The following PCDHGA12 variants were observed in gnomAD, a reference collection of about 807,000 sequenced individuals.
PCDHGA12 encodes the protein protocadherin gamma subfamily A, 12.
A neutral mutation model predicts 61.1 loss-of-function variants in PCDHGA12; 43 were observed. The observed-to-expected ratio is 0.70, with a 90% CI of 0.55 to 0.91. The LOEUF (loss-of-function observed/expected upper bound fraction) is 0.91. PCDHGA12 is among the 40% of genes least tolerant of loss of function. PCDHGA12 has a pLI of 0.00. For missense variants in PCDHGA12, 1,236 were observed against 1,227.7 expected (o/e 1.01, Z -0.10); for synonymous variants, 520 against 542.9 (o/e 0.96, Z 0.59).
In PCDHGA12 at chr5:141,489,597, A is replaced by G; in HGVS notation, c.2425-5210A>G. 6.2e-7 allele frequency: 1 copy of G among 1,614,100 alleles called. No individual in the cohort carries two copies. The highest frequency in any genetic ancestry group is 1.3e-5 in the African/African-American group (1 of 75,040). ...AACACCCCCTGGAGCTAATCCGTGTAGAGGTAGAGATCCTGGATCTCAATG... is the reference window on the plus strand; with the variant it reads ...AACACCCCCTGGAGCTAATCCGTGTGGAGGTAGAGATCCTGGATCTCAATG... On this transcript the variant is annotated intron_variant, in intron 1 of 3. Transcript: ENST00000252085. The surrounding 1 kb of genome is among the most constrained non-coding windows in gnomAD (Gnocchi z 4.5).
intron 1 of PCDHGA12, among the ~76,000 whole-genome samples, chr5:141,434,766 A>T (rs1383531828): frequency 1.3e-5 from 2 of 151,012 alleles, no homozygotes; most frequent in Non-Finnish European, 3.0e-5. Context: ...CCCACTTCAC[A>T]CTTCTAAAAA....
At chr5:141,446,221 T>C (rs2098493855) in intron 1 of PCDHGA12, among the ~76,000 whole-genome samples, 1 of 152,164 alleles carries the variant, frequency 6.6e-6, no homozygotes, top group African/African-American at 2.4e-5. Flanking sequence ...AATATTGTTG[T>C]GTTGCCTGGC....
At chr5:141,454,837 G>A (rs1269424734) in intron 1 of PCDHGA12, among the ~76,000 whole-genome samples, 4 of 90,354 alleles carry the variant, frequency 4.4e-5, no homozygotes, top group East Asian at 6.5e-4. Flanking sequence ...AGACAGAGTC[G>A]CGCTCTGTCA....
Position 141,485,718 on chromosome 5 carries a change from T to A in PCDHGA12, c.2425-9089T>A, listed in dbSNP as rs562192762. ...TCCAATGAACACTTTGCACTGGATG[T>A]GAAGAAGCGCAGCGACGGCAGCCTG... On this transcript the variant is annotated intron_variant, in intron 1 of 3. Coordinates refer to ENST00000252085, the MANE Select transcript of PCDHGA12 (RefSeq NM_003735.3). The surrounding 1 kb of genome is among the most constrained non-coding windows in gnomAD (Gnocchi z 5.7). 1 of 1,614,058 alleles carries A rather than the reference T, an allele frequency of 6.2e-7. No homozygotes were observed. The highest frequency in any genetic ancestry group is 2.2e-5 in the East Asian group (1 of 44,866).
At chr5:141,460,993 A>T (rs1230217075) in intron 1 of PCDHGA12, among the ~76,000 whole-genome samples, 1 of 143,898 alleles carries the variant, frequency 6.9e-6, no homozygotes, top group South Asian at 2.2e-4. Flanking sequence ...GTATATATAT[A>T]TATGTGTATA....
rs1554123924 is a variant in PCDHGA12, at chr5:141,431,826, T to C, written c.1067T>C (p.Val356Ala). 1 of 1,614,220 alleles carries C rather than the reference T, an allele frequency of 6.2e-7. No homozygotes were observed. The highest frequency in any genetic ancestry group is 8.5e-7 in the Non-Finnish European group (1 of 1,180,050). The stretch of plus-strand genomic sequence containing the variant: ...GTCCTCACCTCTCTCGCCAGCTCGG[T>C]TCCCGAAAACTCTCCCAGAGGGACA... ...EVVLTSLASSVPENSPRGTLI... is the reference protein window; with the variant it reads ...EVVLTSLASSAPENSPRGTLI... The change falls in exon 1 of 4, where the codon GTT (valine) becomes GCT (alanine). Residue 356 changes from valine (V) to alanine (A), a missense_variant. Physicochemically the swap from Val to Ala is moderately conservative, Grantham distance 64. Coordinates refer to ENST00000252085, the MANE Select transcript of PCDHGA12 (RefSeq NM_003735.3). This position sits in a 1 kb window ranked among gnomAD's most constrained non-coding sequence, Gnocchi z 4.8.
At chr5:141,478,940 T>C in intron 1 of PCDHGA12, 2 of 584,636 alleles carry the variant, frequency 3.4e-6, no homozygotes, top group South Asian at 2.7e-5. Flanking sequence ...CTTCTAGGAA[T>C]ACAAAAACTA....
In PCDHGA12 at chr5:141,486,657, T is replaced by G. The variant is rs1171065175; in HGVS notation, c.2425-8150T>G. On this transcript the variant is annotated intron_variant, in intron 1 of 3. Transcript: ENST00000252085. The surrounding 1 kb of genome is among the most constrained non-coding windows in gnomAD (Gnocchi z 5.0). ...AATGCGCTTATCTCCTACTCACTCC[T>G]GGAGCCCAGGAATCGAGATGTATCA... 3 of 1,614,010 alleles carry G rather than the reference T, an allele frequency of 1.9e-6. No homozygotes were observed. Among genetic ancestry groups the G allele is most frequent in the Non-Finnish European group, 2.5e-6 (3 of 1,180,030 alleles).
intron 1 of PCDHGA12, among the ~76,000 whole-genome samples, chr5:141,456,824 G>C (rs2098890304): frequency 6.6e-6 from 1 of 152,052 alleles, no homozygotes; most frequent in African/African-American, 2.4e-5. Flanking sequence ...ATTAGCCATC[G>C]TGGTAGTGGG....
chr5:141,466,947 A>C (rs2099132734), intron 1 of PCDHGA12, among the ~76,000 whole-genome samples: 1 of 152,126 alleles, frequency 6.6e-6, no homozygotes, highest in South Asian at 2.1e-4. Context: ...TGTCCAGTAA[A>C]CAGACTGCAA....
intron 1 of PCDHGA12, among the ~76,000 whole-genome samples, chr5:141,483,557 G>A (rs141633312): frequency 4.5e-4 from 69 of 152,276 alleles, no homozygotes; most frequent in Admixed American, 1.9e-3. Context: ...GCCATTCACA[G>A]AGACAGTGAA....
Position 141,481,350 on chromosome 5 carries a change from T to C in PCDHGA12, c.2425-13457T>C, listed in dbSNP as rs901892475. Among the ~76,000 whole-genome samples, 4 of 152,248 alleles carry C rather than the reference T, an allele frequency of 2.6e-5. No homozygotes were observed. The South Asian group carries it at 8.3e-4, about 32-fold the overall frequency. On this transcript the variant is annotated intron_variant, in intron 1 of 3. Coordinates refer to ENST00000252085, the MANE Select transcript of PCDHGA12 (RefSeq NM_003735.3). The stretch of plus-strand genomic sequence containing the variant: ...CCTGGACAACTATTATTTAAACATC[T>C]ACAGCTGTTCAATAGATATTGGGTT...
intron 1 of PCDHGA12, chr5:141,478,592 TC>T: frequency 6.4e-7 from 1 of 1,570,334 alleles, no homozygotes; most frequent in Non-Finnish European, 8.6e-7. Flanking sequence ...GCTTTTTTAT[TC>T]CTACATCATA....
chr5:141,467,672 AT>A (rs1199631144), intron 1 of PCDHGA12, among the ~76,000 whole-genome samples: 1 of 151,634 alleles, frequency 6.6e-6, no homozygotes, highest in Non-Finnish European at 1.5e-5. Context: ...GAAGATTTTT[AT>A]TTTTTTTAGA....
chr5:141,478,774 G>T (rs1019315910), intron 1 of PCDHGA12: 1 of 1,496,268 alleles, frequency 6.7e-7, no homozygotes, highest in African/African-American at 1.4e-5. Flanking sequence ...ACTCATCTGT[G>T]GACCTAATTC....
chr5:141,508,043 T>A (rs2099865910), intron 3 of PCDHGA12: 1 of 152,252 alleles, frequency 6.6e-6, no homozygotes, highest in Non-Finnish European at 1.5e-5. Context: ...CAGCCAGCTG[T>A]GTTCCAGCTA....
chr5:141,491,580 G>A lies in PCDHGA12; in HGVS notation c.2425-3227G>A. 6.2e-7 allele frequency: 1 copy of A among 1,613,942 alleles called. No individual in the cohort carries two copies. Among genetic ancestry groups the A allele is most frequent in the Non-Finnish European group, 8.5e-7 (1 of 1,180,044 alleles). ...ACTGCTACAGGACGTGCTTTTCACC[G>A]GCCTCGGACGGCAGTGACTTCACTT... is the stretch of plus-strand genomic sequence containing the variant. On this transcript the variant is annotated intron_variant, in intron 1 of 3. Coordinates refer to ENST00000252085, the MANE Select transcript of PCDHGA12 (RefSeq NM_003735.3). The surrounding 1 kb of genome is among the most constrained non-coding windows in gnomAD (Gnocchi z 6.9).
At chr5:141,441,818 TG>T in intron 1 of PCDHGA12, 1 of 359,922 alleles carries the variant, frequency 2.8e-6, no homozygotes, top group Non-Finnish European at 5.5e-6. Flanking sequence ...ACCCCAGCTC[TG>T]GAGCGCAATG....
In PCDHGA12 at chr5:141,511,402, A is replaced by C; in HGVS notation, c.*229A>C. On this transcript the variant is annotated 3_prime_UTR_variant, in exon 4 of 4. Transcript: ENST00000252085. Reference sequence around the variant, plus strand: ...TTCCGCTGGGAACCCCCATCCAATCAACTGCTGTACCCATGGGGGTAGTGG... The same window carrying C: ...TTCCGCTGGGAACCCCCATCCAATCCACTGCTGTACCCATGGGGGTAGTGG... The C allele has an allele frequency of 1.0e-6, 1 of 969,684 alleles. No individual in the cohort carries two copies. 60.1% of individuals were successfully genotyped at this position (969,684 alleles called of 1,614,324 possible).
Sources: gnomAD v4.1 joint callset for allele counts (sites outside exome capture counted in the v4.1 genomes callset) on GRCh38, gnomAD v4.1.1 for gene constraint, Gnocchi (gnomAD v3.1) non-coding constraint, MANE v1.5 for transcripts, NCBI Gene and HGNC (gene_info 2026-07-23, HGNC 2026-07-21) for gene names.